The following FBLN7 variants were observed in gnomAD, a reference collection of about 807,000 sequenced individuals.
The protein encoded by FBLN7 is fibulin 7.
In FBLN7, 31 loss-of-function variants were observed where a neutral mutation model predicts 44.0. The ratio of observed to expected loss-of-function variants is 0.70; its 90% CI spans 0.53 to 0.95. The LOEUF (loss-of-function observed/expected upper bound fraction) is 0.95, where lower values mean the gene tolerates loss of function less well. Among genes scored for constraint, FBLN7 ranks in the 40% least tolerant of loss-of-function variants. FBLN7 has a pLI of 0.00. For missense variants in FBLN7, 573 were observed against 618.5 expected (o/e 0.93, Z 0.78); for synonymous variants, 262 against 253.4 (o/e 1.03, Z -0.32).
intron 1 of FBLN7, among the ~76,000 whole-genome samples, chr2:112,154,985 T>C (rs538576362): frequency 1.3e-5 from 2 of 152,304 alleles, no homozygotes; most frequent in Admixed American, 6.5e-5. Flanking sequence ...GTGACGTCTG[T>C]GCAAGGGAGC....
At chr2:112,182,167 G>A in intron 5 of FBLN7, 1 of 443,610 alleles carries the variant, frequency 2.3e-6, no homozygotes, top group Non-Finnish European at 4.0e-6. Context: ...CGCCCTGGCT[G>A]GAATCACGTC....
intron 2 of FBLN7, among the ~76,000 whole-genome samples, chr2:112,160,830 A>AGG (rs1558880646): frequency 1.1e-4 from 15 of 132,056 alleles, no homozygotes; most frequent in African/African-American, 4.5e-4. Flanking sequence ...ACAAGCACGC[A>AGG]TACACGCACG....
At chr2:112,242,875 C>A in the FBLN7 span, among the ~76,000 whole-genome samples, 1 of 152,214 alleles carries the variant, frequency 6.6e-6, no homozygotes, top group East Asian at 1.9e-4. Context: ...AAAAACAAGA[C>A]TATAATCAAA....
At chr2:112,228,500 CAAAAA>C in the FBLN7 span, among the ~76,000 whole-genome samples, 1 of 77,066 alleles carries the variant, frequency 1.3e-5, no homozygotes, top group East Asian at 3.7e-4. Flanking sequence ...GACTCTGTCT[CAAAAA>C]AAAAAAAAAA....
the FBLN7 span, among the ~76,000 whole-genome samples, chr2:112,229,764 C>T: frequency 1.3e-5 from 2 of 152,070 alleles, no homozygotes; most frequent in South Asian, 2.1e-4. Context: ...ACTGTTAATA[C>T]AATTCCCAAT....
chr2:112,216,137 AG>A, the FBLN7 span: 1 of 152,224 alleles, frequency 6.6e-6, no homozygotes, highest in Non-Finnish European at 1.5e-5. Flanking sequence ...ACCCTCACTC[AG>A]CCTAACCTTG....
At chr2:112,181,930 G>T in intron 5 of FBLN7, 54 bp downstream of exon 5, 1 of 1,508,540 alleles carries the variant, frequency 6.6e-7, no homozygotes, top group South Asian at 1.2e-5. Flanking sequence ...GACATGGGGC[G>T]GGGAAGGGGC....
the FBLN7 span, among the ~76,000 whole-genome samples, chr2:112,224,348 AAAACAAAG>A: frequency 6.6e-6 from 1 of 152,226 alleles, no homozygotes; most frequent in African/African-American, 2.4e-5. Flanking sequence ...TCCTGATTAT[AAAACAAAG>A]AAACAAAAAG....
the FBLN7 span, among the ~76,000 whole-genome samples, chr2:112,230,098 T>G: frequency 9.8e-5 from 15 of 152,292 alleles, no homozygotes; most frequent in South Asian, 2.9e-3. Flanking sequence ...AACAGGCATT[T>G]CACCAAAGAT....
At chr2:112,180,169 G>A (rs1682913990) in intron 4 of FBLN7, among the ~76,000 whole-genome samples, 1 of 152,006 alleles carries the variant, frequency 6.6e-6, no homozygotes, top group Non-Finnish European at 1.5e-5. Flanking sequence ...TTAAAAAGTG[G>A]GCAACGTACA....
chr2:112,202,497 A>C, the FBLN7 span, among the ~76,000 whole-genome samples: 1 of 152,064 alleles, frequency 6.6e-6, no homozygotes, highest in Non-Finnish European at 1.5e-5. Flanking sequence ...AACCACACTT[A>C]AAAGTGAGTT....
the FBLN7 span, chr2:112,233,191 A>C: frequency 9.6e-7 from 1 of 1,046,378 alleles, no homozygotes; most frequent in Non-Finnish European, 1.3e-6. Flanking sequence ...GGTTTCATTA[A>C]AAATTTTGCA....
At chr2:112,159,282 G>GC (rs5833434) in intron 1 of FBLN7, among the ~76,000 whole-genome samples, 66,008 of 151,566 alleles carry the variant, frequency 0.44, 14,646 homozygotes, top group Middle Eastern at 0.64. Flanking sequence ...TGTATTATTG[G>GC]CCCTTTGCTT....
the FBLN7 span, among the ~76,000 whole-genome samples, chr2:112,225,839 C>T: frequency 6.6e-6 from 1 of 150,586 alleles, no homozygotes; most frequent in East Asian, 2.0e-4. Flanking sequence ...CCCAGCACTT[C>T]GGGAGGCCAA....
intron 2 of FBLN7, among the ~76,000 whole-genome samples, chr2:112,161,699 G>T (rs955040991): frequency 6.6e-6 from 1 of 152,192 alleles, no homozygotes; most frequent in African/African-American, 2.4e-5. Flanking sequence ...GGCCCTGCCC[G>T]CTAGACAGAT....
chr2:112,148,579 C>T (rs1165633461), intron 1 of FBLN7, among the ~76,000 whole-genome samples: 2 of 152,226 alleles, frequency 1.3e-5, no homozygotes, highest in Non-Finnish European at 2.9e-5. Flanking sequence ...CCAAGCTCAG[C>T]TGGTCTGCTG....
At chr2:112,239,939 T>C in the FBLN7 span, among the ~76,000 whole-genome samples, 1 of 152,146 alleles carries the variant, frequency 6.6e-6, no homozygotes, top group Non-Finnish European at 1.5e-5. Flanking sequence ...ACCAGAGGAT[T>C]GATTATAAGC....
chr2:112,238,812 G>C, the FBLN7 span, among the ~76,000 whole-genome samples: 99 of 152,294 alleles, frequency 6.5e-4, no homozygotes, highest in African/African-American at 2.2e-3. Context: ...GTGTGCCTTT[G>C]ACTGAATTAA....
At chr2:112,239,414 A>G in the FBLN7 span, among the ~76,000 whole-genome samples, 1 of 152,208 alleles carries the variant, frequency 6.6e-6, no homozygotes, top group Admixed American at 6.5e-5. Flanking sequence ...TGGCATGCCT[A>G]TCATTACAGT....
Sources: allele counts gnomAD v4.1 joint callset (sites outside exome capture counted in the v4.1 genomes callset), GRCh38; gene constraint gnomAD v4.1.1; transcripts MANE v1.5; gene names NCBI Gene and HGNC (gene_info 2026-07-23, HGNC 2026-07-21).